Variants in POGZ observed in about 807,000 individuals in gnomAD.
POGZ encodes the protein pogo transposable element derived with ZNF domain, also known as pogo transposable element with ZNF domain.
Under a neutral mutation model 134.6 loss-of-function variants are expected in POGZ, and 17 were observed. The ratio of observed to expected loss-of-function variants is 0.13; its 90% CI spans 0.09 to 0.19. POGZ has a LOEUF of 0.19. POGZ is among the 10% of genes least tolerant of loss of function. The pLI is 1.00. For missense variants in POGZ, 1,306 were observed against 1,769.7 expected (o/e 0.74, Z 4.70); for synonymous variants, 693 against 657.1 (o/e 1.05, Z -0.84).
At chr1:151,429,490 T>G (rs1292821127) in intron 5 of POGZ, 113 bp downstream of exon 5, 14 of 479,096 alleles carry the variant, frequency 2.9e-5, no homozygotes, top group East Asian at 1.7e-4. Flanking sequence ...AATATTTTTA[T>G]ATTTTTAGAT....
intron 3 of POGZ, among the ~76,000 whole-genome samples, chr1:151,431,056 C>T (rs1207291738): frequency 2.0e-5 from 3 of 152,038 alleles, no homozygotes; most frequent in Non-Finnish European, 4.4e-5. Context: ...CCACCTCAGC[C>T]TCCCAAGTAC....
At chr1:151,412,676 T>C (rs999925753) in intron 10 of POGZ, among the ~76,000 whole-genome samples, 28 of 152,278 alleles carry the variant, frequency 1.8e-4, no homozygotes, top group Admixed American at 1.8e-3. Flanking sequence ...TAATTCAGCA[T>C]CCTCCTGTCT....
At chr1:151,427,504 T>C (rs988099073) in intron 7 of POGZ, 1 of 312,084 alleles carries the variant, frequency 3.2e-6, no homozygotes, top group South Asian at 3.2e-5. Flanking sequence ...AACCTGAAGA[T>C]CTCTCTACCA....
At chr1:151,415,534 G>T (rs1019190315) in intron 10 of POGZ, among the ~76,000 whole-genome samples, 1 of 151,966 alleles carries the variant, frequency 6.6e-6, no homozygotes, top group Non-Finnish European at 1.5e-5. Context: ...AGCCGGGCGT[G>T]GTGGTGGGTG....
chr1:151,451,008 T>C (rs944800901), intron 1 of POGZ: 2 of 151,472 alleles, frequency 1.3e-5, no homozygotes, highest in African/African-American at 4.9e-5. Context: ...AAAACCAGCC[T>C]GGCCATGACC....
At chr1:151,443,629 G>A (rs540985444) in intron 1 of POGZ, among the ~76,000 whole-genome samples, 6 of 152,124 alleles carry the variant, frequency 3.9e-5, no homozygotes, top group South Asian at 2.1e-4. Flanking sequence ...CTGGAGAATC[G>A]CTTGAACATG....
chr1:151,404,240 TAA>T lies in POGZ; in HGVS notation c.*560_*561del, dbSNP rs1405939196. On this transcript the variant is annotated 3_prime_UTR_variant, in exon 19 of 19. Transcript: ENST00000271715. ...CTTTTTTTCCATTTTCATTTTTATA[TAA>T]AAGTGTTAAGACCACAATGAAAAAA... The T allele has an allele frequency of 2.0e-6, 2 of 984,358 alleles. No homozygotes were observed. Among genetic ancestry groups the T allele is most frequent in the Admixed American group, 1.2e-4 (2 of 16,250 alleles). The allele number at this position is 984,358 out of a possible 1,614,324, so 61.0% of individuals were successfully genotyped here. A position where few individuals can be genotyped will look rare whatever the true frequency, so the allele number is the denominator to read the frequency against.
intron 1 of POGZ, among the ~76,000 whole-genome samples, chr1:151,449,974 A>G (rs1276585614): frequency 2.0e-5 from 3 of 151,104 alleles, no homozygotes; most frequent in Non-Finnish European, 4.4e-5. Context: ...TATAAAATCC[A>G]TATATATCTA....
chr1:151,411,579 A>G (rs1487070872), intron 12 of POGZ, 46 bp downstream of exon 12: 1 of 1,442,404 alleles, frequency 6.9e-7, no homozygotes, highest in African/African-American at 1.4e-5. Flanking sequence ...CCATGTTTAA[A>G]AAAAAAAAAA....
At position 151,430,706 on chromosome 1, in the gene POGZ, C is replaced by G. The variant is rs1190404898; in HGVS notation, c.419G>C (p.Ser140Thr). Residue 140 changes from serine (S) to threonine (T), a missense_variant, in exon 4 of 19, where the codon AGT (serine) becomes ACT (threonine). This residue lies in a region of POGZ where 541 missense variants were observed against 680.5 expected (regional missense o/e 0.80). Coordinates refer to ENST00000271715, the MANE Select transcript of POGZ (RefSeq NM_015100.4). Reference protein sequence around the residue: ...QVMQNANHVTSSPVASQPIFI... With the variant: ...QVMQNANHVTTSPVASQPIFI... ...TATTGGTTGTGAGGCCACAGGGGAACTAGTCACATGATTGGCATTCTGCAT... is the reference window on the plus strand; with the variant it reads ...TATTGGTTGTGAGGCCACAGGGGAAGTAGTCACATGATTGGCATTCTGCAT... 1.2e-6 allele frequency: 2 copies of G among 1,610,274 alleles called. No homozygotes were observed. Among genetic ancestry groups the G allele is most frequent in the African/African-American group, 2.7e-5 (2 of 74,420 alleles).
At chr1:151,458,791 C>A (rs1409241920) in intron 1 of POGZ, among the ~76,000 whole-genome samples, 1 of 143,948 alleles carries the variant, frequency 6.9e-6, no homozygotes, top group East Asian at 2.1e-4. Flanking sequence ...GGGCTGTGTG[C>A]GGGGCCGTGG....
chr1:151,403,445 T>C lies in POGZ; in HGVS notation c.*1357A>G, dbSNP rs1272805884. 2 of 985,546 alleles carry C rather than the reference T, an allele frequency of 2.0e-6. No homozygotes were observed. The highest frequency in any genetic ancestry group is 2.4e-6 in the Non-Finnish European group (2 of 829,754). 61.1% of individuals were successfully genotyped at this position (985,546 alleles called of 1,614,324 possible). On this transcript the variant is annotated 3_prime_UTR_variant, in exon 19 of 19. Transcript: ENST00000271715. ...AGCTTGTGCAGTTTGCCTCCTTGGCTCACAGGAGGGGAACATTGTGGAAAG... is the reference window on the plus strand; with the variant it reads ...AGCTTGTGCAGTTTGCCTCCTTGGCCCACAGGAGGGGAACATTGTGGAAAG...
At chr1:151,440,333 T>C (rs1432480284) in intron 3 of POGZ, among the ~76,000 whole-genome samples, 1 of 152,116 alleles carries the variant, frequency 6.6e-6, no homozygotes, top group African/African-American at 2.4e-5. Flanking sequence ...CTACTTCAGT[T>C]ATGAATCTTG....
intron 8 of POGZ, 200 bp from the exon 9 acceptor site, chr1:151,424,486 T>C: frequency 2.2e-6 from 1 of 453,668 alleles, no homozygotes; most frequent in East Asian, 3.4e-5. Flanking sequence ...CGCTATACTT[T>C]GTATTTCTCC....
chr1:151,439,864 CAG>C (rs1430818672), intron 3 of POGZ, among the ~76,000 whole-genome samples: 1 of 152,102 alleles, frequency 6.6e-6, no homozygotes, highest in Non-Finnish European at 1.5e-5. Flanking sequence ...AGAAAAGATA[CAG>C]AGATAGGAAT....
intron 1 of POGZ, chr1:151,454,940 T>C (rs1340140087): frequency 6.6e-6 from 1 of 152,080 alleles, no homozygotes; most frequent in Non-Finnish European, 1.5e-5. Context: ...AAACCCCATC[T>C]CTAGAAAAAT....
chr1:151,411,481 T>C (rs1654659259), intron 12 of POGZ, 144 bp downstream of exon 12: 1 of 586,266 alleles, frequency 1.7e-6, no homozygotes, highest in Admixed American at 3.2e-5. Flanking sequence ...ACATGGCACA[T>C]TAAGTGAATT....
intron 1 of POGZ, among the ~76,000 whole-genome samples, chr1:151,447,793 G>C (rs2102401517): frequency 6.6e-6 from 1 of 151,658 alleles, no homozygotes; most frequent in South Asian, 2.1e-4. Context: ...CCCAGCTTTT[G>C]ATGTGTTTTG....
At chr1:151,453,856 G>A (rs1229179994) in intron 1 of POGZ, among the ~76,000 whole-genome samples, 1 of 152,090 alleles carries the variant, frequency 6.6e-6, no homozygotes, top group East Asian at 1.9e-4. Flanking sequence ...TAATTGTAAA[G>A]GCAAGATAAA....
Sources: allele counts gnomAD v4.1 joint callset (sites outside exome capture counted in the v4.1 genomes callset), GRCh38; gene constraint gnomAD v4.1.1; regional missense constraint gnomAD v4.1.1; transcripts MANE v1.5; gene names NCBI Gene and HGNC (gene_info 2026-07-23, HGNC 2026-07-21).